CEP120: variants seen among roughly 807,000 people sequenced by gnomAD.
CEP120 encodes centrosomal protein 120.
A neutral mutation model predicts 126.5 loss-of-function variants in CEP120; 113 were observed. That is an observed-to-expected ratio of 0.89 (90% CI 0.77 to 1.04). The LOEUF (loss-of-function observed/expected upper bound fraction) is 1.04. CEP120 is among the 50% of genes least tolerant of loss of function. CEP120 has a pLI of 0.00. For missense variants in CEP120, 1,230 were observed against 1,155.7 expected (o/e 1.06, Z -0.93); for synonymous variants, 400 against 394.3 (o/e 1.01, Z -0.17).
chr5:123,413,099 T>TAAAAATACGGG (rs1344973513), intron 3 of CEP120, among the ~76,000 whole-genome samples: 1 of 151,776 alleles, frequency 6.6e-6, no homozygotes, highest in Non-Finnish European at 1.5e-5. Flanking sequence ...AAACCCCGTC[T>TAAAAATACGGG]GTCTCTACTA....
chr5:123,395,872 T>A (rs925860316), intron 5 of CEP120, among the ~76,000 whole-genome samples: 3 of 151,882 alleles, frequency 2.0e-5, no homozygotes, highest in African/African-American at 7.2e-5. Context: ...TTAGTAGAGA[T>A]GGGGTTTCAC....
rs545122116 is a variant in CEP120, at chr5:123,383,200, A to G, written c.1764-118T>C. 97 of 612,720 alleles carry G rather than the reference A, an allele frequency of 1.6e-4. No individual in the cohort carries two copies. The Middle Eastern group carries it at 2.3e-3, about 14-fold the overall frequency. The allele number at this position is 612,720 out of a possible 1,614,324, so 38.0% of individuals were successfully genotyped here. On this transcript the variant is annotated intron_variant, in intron 11 of 19. Transcript: ENST00000306467. ...AGCAACATTTTCTGCTCCTAACTCT[A>G]TTGTTTTTGAAACTGCAGCAACTTC...
intron 4 of CEP120, among the ~76,000 whole-genome samples, chr5:123,403,513 G>A (rs946705916): frequency 1.3e-4 from 20 of 152,086 alleles, no homozygotes; most frequent in Non-Finnish European, 8.8e-5. Context: ...ATAAATAAAC[G>A]AATTGAAGGT....
intron 4 of CEP120, among the ~76,000 whole-genome samples, chr5:123,408,545 C>T (rs1370235365): frequency 2.0e-5 from 3 of 152,110 alleles, no homozygotes; most frequent in Non-Finnish European, 1.5e-5. Context: ...CCTTGAAAGA[C>T]ACAATATGCC....
At chr5:123,394,330 G>A (rs1426031168) in intron 5 of CEP120, among the ~76,000 whole-genome samples, 1 of 152,140 alleles carries the variant, frequency 6.6e-6, no homozygotes, top group Non-Finnish European at 1.5e-5. Context: ...GGTATAGGGG[G>A]AATAGTTACA....
intron 16 of CEP120, among the ~76,000 whole-genome samples, chr5:123,377,006 T>G (rs1771274686): frequency 6.6e-6 from 1 of 152,008 alleles, no homozygotes; most frequent in South Asian, 2.1e-4. Context: ...ATGATACCAA[T>G]CAGTTTTACT....
At chr5:123,350,552 C>G (rs1029848611) in intron 18 of CEP120, among the ~76,000 whole-genome samples, 4 of 152,172 alleles carry the variant, frequency 2.6e-5, no homozygotes, top group Non-Finnish European at 5.9e-5. Flanking sequence ...GCTATCAATA[C>G]AATGAACTGT....
chr5:123,356,530 T>C (rs1769636646), intron 18 of CEP120, among the ~76,000 whole-genome samples: 1 of 152,144 alleles, frequency 6.6e-6, no homozygotes, highest in South Asian at 2.1e-4. Flanking sequence ...TTTGCTGATA[T>C]AGATTTAAAT....
chr5:123,401,592 T>C, intron 4 of CEP120: 1 of 1,410,890 alleles, frequency 7.1e-7, no homozygotes, highest in Non-Finnish European at 1.0e-6. Context: ...AGGGAGCGGC[T>C]GTTGTCCATG....
In CEP120 at chr5:123,423,209, C is replaced by T. The variant is rs914053009; in HGVS notation, c.-211G>A. On this transcript the variant is annotated 5_prime_UTR_variant, in exon 1 of 20. Transcript: ENST00000306467. ...CCGCCAGCCCAGATCCTAACTGTGCCCCGACTCAAGGAAAAAGCCACGCTG... is the reference window on the plus strand; with the variant it reads ...CCGCCAGCCCAGATCCTAACTGTGCTCCGACTCAAGGAAAAAGCCACGCTG... 1.6e-5 allele frequency: 9 copies of T among 573,510 alleles called. No homozygotes were observed. Among genetic ancestry groups the T allele is most frequent in the Non-Finnish European group, 2.8e-5 (9 of 320,842 alleles). The allele number at this position is 573,510 out of a possible 1,614,324, so 35.5% of individuals were successfully genotyped here. A position where few individuals can be genotyped will look rare whatever the true frequency, so the allele number is the denominator to read the frequency against.
intron 17 of CEP120, among the ~76,000 whole-genome samples, chr5:123,368,199 A>C (rs1162317590): frequency 6.6e-6 from 1 of 151,922 alleles, no homozygotes; most frequent in Non-Finnish European, 1.5e-5. Context: ...TTTATTGTGG[A>C]TATTACCTAG....
intron 4 of CEP120, among the ~76,000 whole-genome samples, chr5:123,400,616 C>CAT (rs1240190745): frequency 2.2e-5 from 3 of 137,976 alleles, no homozygotes; most frequent in Non-Finnish European, 3.0e-5. Context: ...CATATATATA[C>CAT]ATATATATAC....
rs376401743 is a variant in CEP120, at chr5:123,377,501, C to T, written c.2231G>A (p.Arg744His). Residue 744 changes from arginine (R) to histidine (H), a missense_variant, in exon 16 of 20, where the codon CGT becomes CAT. Physicochemically the swap from Arg to His is conservative, Grantham distance 29. Transcript: ENST00000306467. ...QREKKELQSE[R>H]QRNLQELQDS... ...CTGCAGTTCTTGCAGGTTCCGCTGA[C>T]GTTCTGATTGCAGTTCCTTTTTTTC... The T allele has an allele frequency of 1.3e-5, 20 of 1,592,504 alleles. No individual in the cohort carries two copies. Among genetic ancestry groups the T allele is most frequent in the East Asian group, 1.1e-4 (5 of 44,496 alleles).
At chr5:123,378,021 C>A (rs1019777504) in intron 15 of CEP120, among the ~76,000 whole-genome samples, 2 of 151,952 alleles carry the variant, frequency 1.3e-5, no homozygotes, top group African/African-American at 4.8e-5. Flanking sequence ...GTCTAAAAGA[C>A]AATTTTCATG....
intron 8 of CEP120, among the ~76,000 whole-genome samples, chr5:123,389,159 TA>T (rs1184889092): frequency 8.5e-5 from 13 of 152,216 alleles, no homozygotes; most frequent in Admixed American, 6.5e-4. Flanking sequence ...AATCCACTAC[TA>T]TTTACACTAC....
At chr5:123,414,527 T>G (rs10041426) in intron 3 of CEP120, among the ~76,000 whole-genome samples, 1 of 152,056 alleles carries the variant, frequency 6.6e-6, no homozygotes, top group Admixed American at 6.5e-5. Flanking sequence ...AAATCAAGAA[T>G]GGCGTTTTAA....
intron 13 of CEP120, 64 bp downstream of exon 13, chr5:123,382,673 C>A: frequency 1.4e-6 from 2 of 1,460,804 alleles, no homozygotes; most frequent in South Asian, 2.6e-5. Context: ...AACCTTGCTA[C>A]GGAGAAGGAA....
At chr5:123,354,801 ATACTT>A (rs1398463760) in intron 18 of CEP120, among the ~76,000 whole-genome samples, 1 of 151,700 alleles carries the variant, frequency 6.6e-6, no homozygotes, top group Non-Finnish European at 1.5e-5. Flanking sequence ...TATTTTTATT[ATACTT>A]TAAGTTCTAG....
At chr5:123,407,263 TAATAATCACCTTG>T (rs1425704744) in intron 4 of CEP120, among the ~76,000 whole-genome samples, 1 of 152,078 alleles carries the variant, frequency 6.6e-6, no homozygotes, top group African/African-American at 2.4e-5. Flanking sequence ...GCAACTATAT[TAATAATCACCTTG>T]AACATCAATA....
Sources: allele counts gnomAD v4.1 joint callset (sites outside exome capture counted in the v4.1 genomes callset), GRCh38; gene constraint gnomAD v4.1.1; transcripts MANE v1.5; gene names NCBI Gene and HGNC (gene_info 2026-07-23, HGNC 2026-07-21).